The following POC1A variants were observed in gnomAD, a reference collection of about 807,000 sequenced individuals.
POC1A encodes the protein POC1 centriolar protein homolog A.
A neutral mutation model predicts 47.8 loss-of-function variants in POC1A; 34 were observed. The ratio of observed to expected loss-of-function variants is 0.71; its 90% CI spans 0.54 to 0.95. The LOEUF (loss-of-function observed/expected upper bound fraction) is 0.95. Ranked by LOEUF, POC1A falls within the 40% of genes least tolerant of loss-of-function variation. The pLI is 0.00. For synonymous variants in POC1A, 177 were observed against 207.6 expected, an observed-to-expected ratio of 0.85 and a Z score of 1.27; for missense variants, 466 against 528.3, an observed-to-expected ratio of 0.88 and a Z score of 1.16.
intron 9 of POC1A, among the ~76,000 whole-genome samples, chr3:52,116,086 ACT>A (rs1247840514): frequency 6.6e-6 from 1 of 152,086 alleles, no homozygotes; most frequent in African/African-American, 2.4e-5. Flanking sequence ...TGTTTCTCCA[ACT>A]CTCTAATTCC....
Position 52,076,049 on chromosome 3 carries a change from C to T in POC1A, c.1126-64G>A. On this transcript the variant is annotated intron_variant, in intron 10 of 10. Transcript: ENST00000296484. ...GCCGCCAGGCTGCTCTAGGGACCCC[C>T]TTGGCCAGTCCCCACTTGGCTGCCT... 1.2e-5 allele frequency: 15 copies of T among 1,279,694 alleles called. No individual in the cohort carries two copies. In the Middle Eastern group the frequency reaches 2.2e-3, roughly 187 times the overall value. 79.3% of individuals were successfully genotyped at this position (1,279,694 alleles called of 1,614,324 possible).
chr3:52,138,594 C>T (rs1356887074), intron 6 of POC1A, among the ~76,000 whole-genome samples: 1 of 152,228 alleles, frequency 6.6e-6, no homozygotes. Context: ...TCCTCTCCCA[C>T]AGCACCAAGC....
intron 9 of POC1A, among the ~76,000 whole-genome samples, chr3:52,099,070 C>G (rs1702911134): frequency 6.6e-6 from 1 of 152,226 alleles, no homozygotes; most frequent in Admixed American, 6.5e-5. Flanking sequence ...TCTCCAACGT[C>G]CCCATGGAGG....
intron 1 of POC1A, 182 bp from the exon 2 acceptor site, chr3:52,151,282 T>G: frequency 1.3e-6 from 1 of 755,494 alleles, no homozygotes; most frequent in Non-Finnish European, 1.9e-6. Context: ...GTTTTTACTA[T>G]TTGAATTAAT....
intron 1 of POC1A, among the ~76,000 whole-genome samples, 163 bp downstream of exon 1, chr3:52,154,192 C>G (rs1011611822): frequency 1.3e-5 from 2 of 152,250 alleles, no homozygotes; most frequent in African/African-American, 4.8e-5. Flanking sequence ...TCAGAAAGTG[C>G]CCGACCCAGC....
rs1702409177 is a variant in POC1A at position 52,084,888 on chromosome 3, G to A, written c.1126-8903C>T. ...TGGGCCAGACTGATGGGTGAAGGCG[G>A]AGCCAACATCCAGGCATGTGTCCCA... On this transcript the variant is annotated intron_variant, in intron 10 of 10. Transcript: ENST00000296484. This position sits in a 1 kb window ranked among gnomAD's most constrained non-coding sequence, Gnocchi z 4.3. 6.6e-6 allele frequency among the ~76,000 whole-genome samples: 1 copy of A among 152,236 alleles called. No homozygotes were observed. The highest frequency in any genetic ancestry group is 1.5e-5 in the Non-Finnish European group (1 of 68,030).
intron 7 of POC1A, among the ~76,000 whole-genome samples, chr3:52,131,894 A>G (rs1348940607): frequency 1.3e-5 from 2 of 152,156 alleles, no homozygotes; most frequent in Non-Finnish European, 2.9e-5. Context: ...GCCCCATGCC[A>G]GAAATGGGGT....
intron 9 of POC1A, among the ~76,000 whole-genome samples, chr3:52,115,368 G>T (rs2107060863): frequency 6.6e-6 from 1 of 152,116 alleles, no homozygotes; most frequent in East Asian, 1.9e-4. Flanking sequence ...ATAAATCTGG[G>T]GTTCACTCCT....
chr3:52,119,004 G>GTTT (rs10662992), intron 9 of POC1A, among the ~76,000 whole-genome samples: 35,165 of 146,592 alleles, frequency 0.24, 4,868 homozygotes, highest in East Asian at 0.45. Context: ...AAGGCAAAAG[G>GTTT]TTTTTTTTTT....
At chr3:52,118,514 TG>T (rs1703655258) in intron 9 of POC1A, among the ~76,000 whole-genome samples, 1 of 152,188 alleles carries the variant, frequency 6.6e-6, no homozygotes, top group Admixed American at 6.5e-5. Flanking sequence ...ATCTGAGAGC[TG>T]AAGTACTGCA....
chr3:52,118,372 G>A (rs1352902526), intron 9 of POC1A, among the ~76,000 whole-genome samples: 5 of 152,154 alleles, frequency 3.3e-5, no homozygotes, highest in African/African-American at 1.2e-4. Context: ...TGAATGGCTG[G>A]GAAATGGCTT....
rs145168982 is a variant in POC1A, at chr3:52,090,126, A to T, written c.1125+6443T>A. Among the ~76,000 whole-genome samples, 1,223 of 152,316 alleles carry T rather than the reference A, an allele frequency of 8.0e-3. 8 individuals are homozygous for T. Among genetic ancestry groups the T allele is most frequent in the South Asian group, 0.032 (157 of 4,832 alleles). Reference sequence around the variant, plus strand: ...GAATGCCAAAGAGACCCAAACAAGCAGGGCTGGTGGGCTTGCTCCCTGCCT... The same window carrying T: ...GAATGCCAAAGAGACCCAAACAAGCTGGGCTGGTGGGCTTGCTCCCTGCCT... On this transcript the variant is annotated intron_variant, in intron 10 of 10. Transcript: ENST00000296484. The surrounding 1 kb of genome is among the most constrained non-coding windows in gnomAD (Gnocchi z 4.2).
At chr3:52,114,516 G>C (rs913135173) in intron 9 of POC1A, among the ~76,000 whole-genome samples, 1 of 152,214 alleles carries the variant, frequency 6.6e-6, no homozygotes. Flanking sequence ...ATCTGTCCCA[G>C]GGGTGAGGAT....
At chr3:52,131,660 C>G (rs1470428725) in intron 7 of POC1A, among the ~76,000 whole-genome samples, 1 of 152,182 alleles carries the variant, frequency 6.6e-6, no homozygotes, top group African/African-American at 2.4e-5. Flanking sequence ...GCAAAGCAAA[C>G]CCACGAGGGC....
intron 7 of POC1A, among the ~76,000 whole-genome samples, chr3:52,136,232 T>C (rs947718361): frequency 6.6e-6 from 1 of 151,926 alleles, no homozygotes; most frequent in African/African-American, 2.4e-5. Context: ...TGATAGGGAG[T>C]TTAGGGGGCT....
At chr3:52,112,182 C>T (rs984665064) in intron 9 of POC1A, among the ~76,000 whole-genome samples, 3 of 152,188 alleles carry the variant, frequency 2.0e-5, no homozygotes, top group Admixed American at 6.5e-5. Flanking sequence ...GAGACAGGGT[C>T]TCACGCTGTC....
chr3:52,146,978 G>A lies in POC1A; in HGVS notation c.563+10C>T. 6.2e-7 allele frequency: 1 copy of A among 1,606,458 alleles called. No homozygotes were observed. The highest frequency in any genetic ancestry group is 8.5e-7 in the Non-Finnish European group (1 of 1,173,036). ...CGCCTACAGGTGGAGGACAGCATCTGGGGACTCACCCGCCATGCTCACAAT... is the reference window on the plus strand; with the variant it reads ...CGCCTACAGGTGGAGGACAGCATCTAGGGACTCACCCGCCATGCTCACAAT... On this transcript the variant is annotated intron_variant, in intron 5 of 10. Transcript: ENST00000296484.
intron 4 of POC1A, among the ~76,000 whole-genome samples, chr3:52,147,580 T>C (rs1698410384): frequency 6.6e-6 from 1 of 151,948 alleles, no homozygotes; most frequent in Admixed American, 6.6e-5. Flanking sequence ...ACTACAGGCG[T>C]GCACCACCAC....
intron 10 of POC1A, among the ~76,000 whole-genome samples, chr3:52,086,034 G>T (rs1702448201): frequency 6.6e-6 from 1 of 152,152 alleles, no homozygotes; most frequent in Non-Finnish European, 1.5e-5. Flanking sequence ...TGGTCTGGCT[G>T]CTTCTTTAAG....
Sources: allele counts gnomAD v4.1 joint callset (sites outside exome capture counted in the v4.1 genomes callset), GRCh38; gene constraint gnomAD v4.1.1; non-coding constraint Gnocchi (gnomAD v3.1); transcripts MANE v1.5; gene names NCBI Gene and HGNC (gene_info 2026-07-23, HGNC 2026-07-21).